Variants in APOC3 observed in about 807,000 individuals in gnomAD.
APOC3 encodes apolipoprotein C-III.
A neutral mutation model predicts 7.3 loss-of-function variants in APOC3; 6 were observed. The observed-to-expected ratio is 0.82, with a 90% CI of 0.45 to 1.61. The LOEUF is 1.61. Among genes scored for constraint, APOC3 ranks in the 40% most tolerant of loss-of-function variants. The pLI, the probability that APOC3 is intolerant of heterozygous loss-of-function variation, is 0.01. For missense variants in APOC3, 123 were observed against 124.9 expected, an observed-to-expected ratio of 0.98 and a Z score of 0.07; for synonymous variants, 45 against 51.2, an observed-to-expected ratio of 0.88 and a Z score of 0.52.
intron 3 of APOC3, 146 bp downstream of exon 3, chr11:116,831,042 G>C: frequency 1.0e-6 from 1 of 976,852 alleles, no homozygotes; most frequent in Non-Finnish European, 1.5e-6. Flanking sequence ...TTTCCTCACA[G>C]GGCCTTTGTC....
chr11:116,831,045 C>A, intron 3 of APOC3, 149 bp downstream of exon 3: 1 of 936,314 alleles, frequency 1.1e-6, no homozygotes, highest in Non-Finnish European at 1.6e-6. Context: ...CCTCACAGGG[C>A]CTTTGTCAGG....
At chr11:116,831,668 T>A (rs149249154) in intron 3 of APOC3, among the ~76,000 whole-genome samples, 1 of 152,180 alleles carries the variant, frequency 6.6e-6, no homozygotes, top group African/African-American at 2.4e-5. Flanking sequence ...CCTGGCCCCA[T>A]TTTCCTTTTC....
intron 3 of APOC3, 39 bp downstream of exon 3, chr11:116,830,935 C>T (rs1176826930): frequency 3.7e-6 from 6 of 1,605,382 alleles, no homozygotes; most frequent in East Asian, 4.5e-5. Context: ...CCCCTGCCAG[C>T]TGCCTCCATT....
At chr11:116,830,095 C>G (rs1476596598) in intron 1 of APOC3, among the ~76,000 whole-genome samples, 155 bp downstream of exon 1, 1 of 152,066 alleles carries the variant, frequency 6.6e-6, no homozygotes, top group Non-Finnish European at 1.5e-5. Flanking sequence ...CTCATCATAA[C>G]CTGAAGAACA....
Position 116,829,930 on chromosome 11 carries a change from AG to A in APOC3, c.-23del, listed in dbSNP as rs1941428061. ...GTCTGCTCAGTTCATCCCTAGAGGCAGCTGCTCCAGGTAATGCCCTCTGGGG... is the reference window on the plus strand; with the variant it reads ...GTCTGCTCAGTTCATCCCTAGAGGCACTGCTCCAGGTAATGCCCTCTGGGG... On this transcript the variant is annotated 5_prime_UTR_variant, in exon 1 of 4. Transcript: ENST00000227667. 1 of 159,356 alleles carries A rather than the reference AG, an allele frequency of 6.3e-6. No individual in the cohort carries two copies. The allele number at this position is 159,356 out of a possible 1,614,324, so 9.9% of individuals were successfully genotyped here. A position where few individuals can be genotyped will look rare whatever the true frequency, so the allele number is the denominator to read the frequency against.
rs1277092877 is a variant in APOC3, at chr11:116,832,819, G to A, written c.235G>A (p.Asp79Asn). ...SLKDYWSTVK[D>N]KFSEFWDLDP... is the part of the protein sequence containing the mutation. ...GAAAGACTACTGGAGCACCGTTAAGGACAAGTTCTCTGAGTTCTGGGATTT... is the reference window on the plus strand; with the variant it reads ...GAAAGACTACTGGAGCACCGTTAAGAACAAGTTCTCTGAGTTCTGGGATTT... Residue 79 changes from aspartate to asparagine, a missense_variant, in exon 4 of 4, where the codon GAC (aspartate) becomes AAC (asparagine). Physicochemically the swap from Asp to Asn is conservative, Grantham distance 23. Transcript: ENST00000227667. 4 of 1,614,128 alleles carry A rather than the reference G, an allele frequency of 2.5e-6. No individual in the cohort carries two copies. The South Asian group carries it at 4.4e-5, about 18-fold the overall frequency.
chr11:116,831,309 C>CTCTT (rs775316139), intron 3 of APOC3, among the ~76,000 whole-genome samples: 7,406 of 111,576 alleles, frequency 0.066, 1,076 homozygotes, highest in African/African-American at 0.29. Context: ...TCCTTTCTTT[C>CTCTT]TCTTTCTTTC....
At chr11:116,830,525 A>G in intron 1 of APOC3, 45 bp from the exon 2 acceptor site, 2 of 1,603,448 alleles carry the variant, frequency 1.2e-6, no homozygotes, top group South Asian at 1.1e-5. Context: ...AGGGGTCCAG[A>G]GGCATGGGGA....
chr11:116,831,181 C>A, intron 3 of APOC3: 1 of 293,006 alleles, frequency 3.4e-6, no homozygotes. Flanking sequence ...CCCTTTCTTT[C>A]TCTTTCTATT....
chr11:116,830,195 C>A (rs1423463094), intron 1 of APOC3, among the ~76,000 whole-genome samples: 1 of 152,120 alleles, frequency 6.6e-6, no homozygotes, highest in Non-Finnish European at 1.5e-5. Context: ...CCTCATTCTT[C>A]AGGCTTAGGG....
In APOC3 at chr11:116,830,552, C is replaced by A. The variant is rs376038822; in HGVS notation, c.-13-18C>A. On this transcript the variant is annotated intron_variant, in intron 1 of 3. Coordinates refer to ENST00000227667, the MANE Select transcript of APOC3 (RefSeq NM_000040.3). ...GCATGGGGACCTGGGGTGCCCCTCA[C>A]AGGACACTTCCTTGCAGGAACAGAG... 6.2e-7 allele frequency: 1 copy of A among 1,613,790 alleles called. No homozygotes were observed. Among genetic ancestry groups the A allele is most frequent in the Non-Finnish European group, 8.5e-7 (1 of 1,179,954 alleles).
chr11:116,831,270 C>CTT (rs1285382341), intron 3 of APOC3, among the ~76,000 whole-genome samples: 1 of 30,800 alleles, frequency 3.2e-5, no homozygotes, highest in East Asian at 5.6e-4. Flanking sequence ...TTCTTTCTTT[C>CTT]CTTTCTTTCT....
chr11:116,831,201 C>CTA (rs1565336388), intron 3 of APOC3: 3,239 of 91,074 alleles, frequency 0.036, 238 homozygotes, highest in African/African-American at 0.12. Context: ...TTCTTTCTTT[C>CTA]TTTCTTTCTT....
At position 116,833,039 on chromosome 11, in the gene APOC3, C is replaced by T; in HGVS notation, c.*155C>T. Reference sequence around the variant, plus strand: ...CCTGGCCCCCCTCCAGGCATGCTGGCCTCCCAATAAAGCTGGACAAGAAGC... The same window carrying T: ...CCTGGCCCCCCTCCAGGCATGCTGGTCTCCCAATAAAGCTGGACAAGAAGC... On this transcript the variant is annotated 3_prime_UTR_variant, in exon 4 of 4. Coordinates refer to ENST00000227667, the MANE Select transcript of APOC3 (RefSeq NM_000040.3). The T allele has an allele frequency of 1.1e-5, 12 of 1,062,134 alleles. No homozygotes were observed. Among genetic ancestry groups the T allele is most frequent in the Non-Finnish European group, 1.5e-5 (11 of 710,388 alleles). The allele number at this position is 1,062,134 out of a possible 1,614,324, so 65.8% of individuals were successfully genotyped here.
At chr11:116,832,393 T>C (rs1941472324) in intron 3 of APOC3, among the ~76,000 whole-genome samples, 1 of 152,228 alleles carries the variant, frequency 6.6e-6, no homozygotes, top group Non-Finnish European at 1.5e-5. Context: ...CCCTCTGTCC[T>C]ACCCTGCTCA....
rs5142 is a variant in APOC3, at chr11:116,831,134, T to C, written c.179+238T>C. 434,651 of 505,776 alleles carry C rather than the reference T, an allele frequency of 0.86. 189,050 individuals are homozygous for C. The highest frequency in any genetic ancestry group is 0.91 in the Non-Finnish European group (259,734 of 285,568). 31.3% of individuals were successfully genotyped at this position (505,776 alleles called of 1,614,324 possible). ...TTCTCCCCGGAGCAGTCCTAGGGCG[T>C]GCCGTTTTAGCCCTCATTTCCATTT... On this transcript the variant is annotated intron_variant, in intron 3 of 3. Transcript: ENST00000227667.
chr11:116,831,132 C>T (rs1192446832), intron 3 of APOC3: 12 of 567,578 alleles, frequency 2.1e-5, no homozygotes, highest in Admixed American at 1.2e-4. Flanking sequence ...AGTCCTAGGG[C>T]GTGCCGTTTT....
At chr11:116,832,360 A>G (rs891715711) in intron 3 of APOC3, among the ~76,000 whole-genome samples, 1 of 152,112 alleles carries the variant, frequency 6.6e-6, no homozygotes, top group South Asian at 2.1e-4. Context: ...TCCTCCAATG[A>G]CTTTCCAAAT....
intron 3 of APOC3, chr11:116,831,248 TCTTTCTTTC>T (rs1179059290): frequency 8.2e-5 from 14 of 170,234 alleles, no homozygotes; most frequent in East Asian, 6.6e-4. Flanking sequence ...TTTCTTTCTT[TCTTTCTTTC>T]CTTTCTTTCT....
Sources: gnomAD v4.1 joint callset for allele counts (sites outside exome capture counted in the v4.1 genomes callset) on GRCh38, gnomAD v4.1.1 for gene constraint, MANE v1.5 for transcripts, NCBI Gene and HGNC (gene_info 2026-07-23, HGNC 2026-07-21) for gene names.